The following MARF1 variants were observed in gnomAD, a reference collection of about 807,000 sequenced individuals.
The protein encoded by MARF1 is limkain-b1.
MARF1 carries 24 observed loss-of-function variants against 168.2 expected under a neutral mutation model. That is an observed-to-expected ratio of 0.14 (90% confidence interval 0.10 to 0.20). MARF1 has a LOEUF of 0.20. MARF1 is among the 10% of genes least tolerant of loss of function. The probability of loss-of-function intolerance (pLI) is 1.00; values close to 1 mark genes in which losing one functional copy is unlikely to be tolerated. For synonymous variants in MARF1, 868 were observed against 822.4 expected (o/e 1.06, Z -0.95); for missense variants, 1,744 against 2,143.6 (o/e 0.81, Z 3.68).
chr16:15,595,869 G>A lies in MARF1; in HGVS notation c.*824C>T, dbSNP rs929573939. 1.3e-5 allele frequency: 2 copies of A among 152,136 alleles called. No individual in the cohort carries two copies. Among genetic ancestry groups the A allele is most frequent in the Non-Finnish European group, 2.9e-5 (2 of 68,032 alleles). The allele number at this position is 152,136 out of a possible 1,614,324, so 9.4% of individuals were successfully genotyped here. A position where few individuals can be genotyped will look rare whatever the true frequency, so the allele number is the denominator to read the frequency against. Reference sequence around the variant, plus strand: ...AGAAAATCAGGCTCTTTCCAATGCTGCCTCTCGACACACAATAATGTGTGT... The same window carrying A: ...AGAAAATCAGGCTCTTTCCAATGCTACCTCTCGACACACAATAATGTGTGT... On this transcript the variant is annotated 3_prime_UTR_variant, in exon 27 of 27. Coordinates refer to ENST00000396368, the MANE Select transcript of MARF1 (RefSeq NM_014647.4).
chr16:15,625,860 A>T, intron 7 of MARF1, 60 bp from the exon 8 acceptor site: 1 of 1,373,888 alleles, frequency 7.3e-7, no homozygotes, highest in Non-Finnish European at 1.0e-6. Context: ...TTCAATTTCA[A>T]AATAAGAACA....
At position 15,595,250 on chromosome 16, in the gene MARF1, G is replaced by C. The variant is rs1357395106; in HGVS notation, c.*1443C>G. Reference sequence around the variant, plus strand: ...ACTGGCTTCATTTAAAAGATTTGGGGAACAAAAAATCTGACTTGTAAAAAT... The same window carrying C: ...ACTGGCTTCATTTAAAAGATTTGGGCAACAAAAAATCTGACTTGTAAAAAT... On this transcript the variant is annotated 3_prime_UTR_variant, in exon 27 of 27. Transcript: ENST00000396368. The C allele has an allele frequency of 1.3e-5, 2 of 152,328 alleles. No individual in the cohort carries two copies. Among genetic ancestry groups the C allele is most frequent in the Non-Finnish European group, 2.9e-5 (2 of 68,010 alleles). The allele number at this position is 152,328 out of a possible 1,614,324, so 9.4% of individuals were successfully genotyped here. A position where few individuals can be genotyped will look rare whatever the true frequency, so the allele number is the denominator to read the frequency against.
intron 1 of MARF1, chr16:15,642,329 A>G (rs1341214399): frequency 6.6e-6 from 1 of 152,042 alleles, no homozygotes; most frequent in African/African-American, 2.4e-5. Context: ...CTTATCCACT[A>G]TTCCAACTCC....
At chr16:15,639,044 A>C in intron 2 of MARF1, 46 bp downstream of exon 2, 1 of 1,581,916 alleles carries the variant, frequency 6.3e-7, no homozygotes, top group Non-Finnish European at 8.6e-7. Flanking sequence ...TCTCTCATCT[A>C]TTTGGATGAG....
intron 4 of MARF1, 105 bp from the exon 5 acceptor site, chr16:15,633,948 T>A: frequency 1.1e-6 from 1 of 932,836 alleles, no homozygotes; most frequent in Non-Finnish European, 1.6e-6. Context: ...AAAACTAAAT[T>A]ATTAATGAAT....
intron 22 of MARF1, chr16:15,602,641 A>AAAGAAGGAAGAGGC (rs1319524455): frequency 1.6e-5 from 1 of 63,528 alleles, no homozygotes; most frequent in African/African-American, 2.8e-4. Flanking sequence ...AAGGAAGAGG[A>AAAGAAGGAAGAGGC]GAAAGAAAAG....
chr16:15,629,725 C>A (rs1056830635), intron 7 of MARF1, among the ~76,000 whole-genome samples: 8 of 152,144 alleles, frequency 5.3e-5, no homozygotes, highest in African/African-American at 1.9e-4. Context: ...ATTCTTATCC[C>A]AAGTCAAGTC....
At position 15,625,437 on chromosome 16, in the gene MARF1, G is replaced by A. The variant is rs1302878167; in HGVS notation, c.1888C>T (p.Pro630Ser). Residue 630 changes from proline (P) to serine (S), a missense_variant, in exon 8 of 27, where the codon CCT becomes TCT. By Grantham distance (74) the Pro-to-Ser change is moderately conservative. Around this residue, in one of 7 missense-constraint regions of MARF1, gnomAD observed 270 missense variants for 260.6 expected, o/e 1.04. Transcript: ENST00000396368. ...SEQSSSAKATPGKGSQANSGS... is the reference protein window; with the variant it reads ...SEQSSSAKATSGKGSQANSGS... ...GAATTTGCCTGTGACCCTTTTCCAG[G>A]CGTGGCTTTGGCACTGGAAGATTGT... 6.2e-7 allele frequency: 1 copy of A among 1,613,710 alleles called. No homozygotes were observed. Among genetic ancestry groups the A allele is most frequent in the African/African-American group, 1.3e-5 (1 of 74,870 alleles).
chr16:15,638,092 G>C (rs573966921), intron 2 of MARF1, among the ~76,000 whole-genome samples: 17 of 152,220 alleles, frequency 1.1e-4, no homozygotes, highest in Middle Eastern at 3.4e-3. Context: ...CTTGAACTAG[G>C]GACAGTGGTT....
At chr16:15,598,202 G>A (rs568906685) in intron 26 of MARF1, among the ~76,000 whole-genome samples, 11 of 152,290 alleles carry the variant, frequency 7.2e-5, no homozygotes, top group East Asian at 5.8e-4. Context: ...CCAGCAGCCC[G>A]GGGCCACTGC....
At position 15,620,437 on chromosome 16, in the gene MARF1, T is replaced by G. The variant is rs2034374879; in HGVS notation, c.2720+14A>C. ...CAGTACTGACTGGATAAAGAAAAAATATACCTAACTTACTTTTTTTCATAG... is the reference window on the plus strand; with the variant it reads ...CAGTACTGACTGGATAAAGAAAAAAGATACCTAACTTACTTTTTTTCATAG... On this transcript the variant is annotated intron_variant, in intron 13 of 26. Coordinates refer to ENST00000396368, the MANE Select transcript of MARF1 (RefSeq NM_014647.4). 1 of 1,571,534 alleles carries G rather than the reference T, an allele frequency of 6.4e-7. No individual in the cohort carries two copies. Among genetic ancestry groups the G allele is most frequent in the Non-Finnish European group, 8.7e-7 (1 of 1,143,040 alleles).
intron 13 of MARF1, among the ~76,000 whole-genome samples, chr16:15,619,873 C>T (rs1207151352): frequency 1.3e-5 from 2 of 152,090 alleles, no homozygotes; most frequent in African/African-American, 4.8e-5. Flanking sequence ...CCAATAAATA[C>T]TAAAACTTGG....
At chr16:15,614,618 A>G (rs2033893924) in intron 16 of MARF1, among the ~76,000 whole-genome samples, 1 of 146,226 alleles carries the variant, frequency 6.8e-6, no homozygotes, top group Non-Finnish European at 1.5e-5. Flanking sequence ...ACCCGTCTCT[A>G]CTAAAAATAC....
At chr16:15,640,424 C>T (rs1004678007) in intron 1 of MARF1, among the ~76,000 whole-genome samples, 1 of 152,180 alleles carries the variant, frequency 6.6e-6, no homozygotes, top group Admixed American at 6.5e-5. Flanking sequence ...TAAATGCAAG[C>T]GAGGCACCGT....
intron 15 of MARF1, among the ~76,000 whole-genome samples, chr16:15,616,308 G>A (rs937048713): frequency 1.3e-5 from 2 of 152,208 alleles, no homozygotes; most frequent in East Asian, 3.9e-4. Context: ...GCAGGCCACT[G>A]AGTCCTGTGT....
At chr16:15,600,742 A>G in intron 23 of MARF1, 41 bp from the exon 24 acceptor site, 3 of 1,601,504 alleles carry the variant, frequency 1.9e-6, no homozygotes, top group Non-Finnish European at 2.6e-6. Context: ...GCGGAAAAGG[A>G]GGGGACAGAA....
At chr16:15,629,947 C>A (rs2035140530) in intron 7 of MARF1, among the ~76,000 whole-genome samples, 1 of 152,160 alleles carries the variant, frequency 6.6e-6, no homozygotes, top group African/African-American at 2.4e-5. Context: ...TTATTTGGTG[C>A]CAACCACACA....
chr16:15,609,218 G>A (rs376975575), intron 20 of MARF1, among the ~76,000 whole-genome samples: 1 of 152,074 alleles, frequency 6.6e-6, no homozygotes, highest in Non-Finnish European at 1.5e-5. Context: ...CAGCCTGGGC[G>A]ACAAGAAAGA....
chr16:15,606,695 T>C (rs566170628), intron 21 of MARF1, among the ~76,000 whole-genome samples: 1 of 152,118 alleles, frequency 6.6e-6, no homozygotes, highest in East Asian at 1.9e-4. Flanking sequence ...CTGTGTGCTG[T>C]TTCCTAGTCT....
Sources: allele counts gnomAD v4.1 joint callset (sites outside exome capture counted in the v4.1 genomes callset), GRCh38; gene constraint gnomAD v4.1.1; regional missense constraint gnomAD v4.1.1; transcripts MANE v1.5; gene names NCBI Gene and HGNC (gene_info 2026-07-23, HGNC 2026-07-21).